The following TRDN variants were observed in gnomAD, a reference collection of about 807,000 sequenced individuals.
TRDN encodes triadin in skeletal muscle.
Under a neutral mutation model 149.7 loss-of-function variants are expected in TRDN, and 161 were observed. The ratio of observed to expected loss-of-function variants is 1.08; its 90% CI spans 0.95 to 1.23. The LOEUF (loss-of-function observed/expected upper bound fraction) is 1.23. Ranked by LOEUF, TRDN falls within the 50% of genes most tolerant of loss-of-function variation. The probability of loss-of-function intolerance (pLI) is 0.00; values close to 1 mark genes in which losing one functional copy is unlikely to be tolerated. For synonymous variants in TRDN, 294 were observed against 250.5 expected (o/e 1.17, Z -1.64); for missense variants, 896 against 823.5 (o/e 1.09, Z -1.08).
intron 12 of TRDN, among the ~76,000 whole-genome samples, chr6:123,401,186 G>T (rs1772955121): frequency 6.6e-6 from 1 of 152,106 alleles, no homozygotes; most frequent in African/African-American, 2.4e-5. Context: ...AAAATCTAAA[G>T]ATGTTATAAT....
chr6:123,387,100 G>A (rs1450331042), intron 14 of TRDN, among the ~76,000 whole-genome samples: 4 of 152,136 alleles, frequency 2.6e-5, no homozygotes, highest in Non-Finnish European at 5.9e-5. Context: ...AATAGGTTAT[G>A]ACATGAAAAG....
intron 23 of TRDN, among the ~76,000 whole-genome samples, chr6:123,327,181 C>T (rs1400307593): frequency 6.6e-6 from 1 of 151,888 alleles, no homozygotes; most frequent in East Asian, 1.9e-4. Context: ...ATGTATTTTC[C>T]TACATTTAGG....
chr6:123,498,825 T>G (rs1381098056), intron 8 of TRDN, among the ~76,000 whole-genome samples: 6 of 152,192 alleles, frequency 3.9e-5, no homozygotes, highest in Non-Finnish European at 8.8e-5. Flanking sequence ...CTTTCTGAAA[T>G]CGGCAGTATG....
chr6:123,325,546 T>A (rs9968848), intron 23 of TRDN, among the ~76,000 whole-genome samples: 119 of 152,174 alleles, frequency 7.8e-4, no homozygotes, highest in African/African-American at 2.6e-3. Context: ...TTTAGAGTAG[T>A]GAATAAAATA....
chr6:123,411,083 G>C (rs1773420691), intron 12 of TRDN, among the ~76,000 whole-genome samples: 1 of 143,130 alleles, frequency 7.0e-6, no homozygotes, highest in Non-Finnish European at 1.5e-5. Flanking sequence ...GTCTCGCTCT[G>C]TTGCCCAGGC....
chr6:123,548,441 A>G lies in TRDN; in HGVS notation c.391+13T>C, dbSNP rs1227724655. ...GCTCCTAGCAGTTAGATATATCTCT[A>G]TGTTCTTTGTACCTTTATCAGTATC... On this transcript the variant is annotated intron_variant, in intron 3 of 40. Transcript: ENST00000334268. The G allele has an allele frequency of 1.3e-6, 2 of 1,525,576 alleles. No individual in the cohort carries two copies. Among genetic ancestry groups the G allele is most frequent in the East Asian group, 2.4e-5 (1 of 42,526 alleles). The allele number at this position is 1,525,576 out of a possible 1,614,324, so 94.5% of individuals were successfully genotyped here.
At chr6:123,382,521 A>G (rs1003493216) in intron 14 of TRDN, among the ~76,000 whole-genome samples, 3 of 151,904 alleles carry the variant, frequency 2.0e-5, no homozygotes, top group Non-Finnish European at 4.4e-5. Flanking sequence ...TTCCATAAAG[A>G]TGCTTAGGAG....
chr6:123,516,149 T>G lies in TRDN; in HGVS notation c.542A>C (p.Glu181Ala), dbSNP rs952182371. The G allele has an allele frequency of 2.3e-5, 35 of 1,491,680 alleles. No individual in the cohort carries two copies. Among genetic ancestry groups the G allele is most frequent in the Non-Finnish European group, 3.0e-5 (33 of 1,108,974 alleles). The allele number at this position is 1,491,680 out of a possible 1,614,324, so 92.4% of individuals were successfully genotyped here. The change falls in exon 6 of 41, where the codon GAA becomes GCA. Residue 181 changes from glutamate (E) to alanine (A), a missense_variant. Physicochemically the swap from Glu to Ala is moderately radical, Grantham distance 107. Coordinates refer to ENST00000334268, the MANE Select transcript of TRDN (RefSeq NM_006073.4). ...TAAAAGTAACTTCATACCTTTCTTT[T>G]CAGGTTTTTCTTTTTCTCTTACTTT... Reference protein sequence around the residue: ...KEKVREKEKPEKKATHKEKIE... With the variant: ...KEKVREKEKPAKKATHKEKIE...
At chr6:123,634,730 G>C (rs934528809) in intron 1 of TRDN, among the ~76,000 whole-genome samples, 2 of 150,308 alleles carry the variant, frequency 1.3e-5, no homozygotes, top group African/African-American at 5.0e-5. Context: ...ATTTTCATTT[G>C]AGAAATATTA....
At chr6:123,298,929 A>G (rs1778305950) in intron 24 of TRDN, among the ~76,000 whole-genome samples, 1 of 152,088 alleles carries the variant, frequency 6.6e-6, no homozygotes, top group African/African-American at 2.4e-5. Flanking sequence ...ATTTATCATT[A>G]ATGTTGGTTA....
At position 123,293,977 on chromosome 6, in the gene TRDN, T is replaced by C. The variant is rs563930323; in HGVS notation, c.1511-14895A>G. On this transcript the variant is annotated intron_variant, in intron 24 of 40. Transcript: ENST00000334268. The stretch of plus-strand genomic sequence containing the variant: ...AGCAGCACCTTGGGGAGGCTTTGTC[T>C]ACCATAAGTCAATCCTAAGGAGCTT... 5.3e-5 allele frequency among the ~76,000 whole-genome samples: 8 copies of C among 152,234 alleles called. No homozygotes were observed. In the East Asian group the frequency reaches 1.4e-3, roughly 26 times the overall value.
intron 24 of TRDN, among the ~76,000 whole-genome samples, chr6:123,293,746 T>C (rs1395645586): frequency 1.3e-5 from 2 of 152,112 alleles, no homozygotes; most frequent in East Asian, 3.9e-4. Context: ...TCAAACACTG[T>C]AACCTTTAGG....
At chr6:123,427,783 T>G (rs962838019) in intron 12 of TRDN, among the ~76,000 whole-genome samples, 1 of 152,150 alleles carries the variant, frequency 6.6e-6, no homozygotes, top group Non-Finnish European at 1.5e-5. Flanking sequence ...TTAAAATATC[T>G]TTATTAAAAT....
At chr6:123,613,573 A>T (rs1238687737) in intron 1 of TRDN, among the ~76,000 whole-genome samples, 1 of 152,148 alleles carries the variant, frequency 6.6e-6, no homozygotes, top group Non-Finnish European at 1.5e-5. Context: ...CCTTGTAGAG[A>T]GAAATGTGTT....
chr6:123,404,495 C>T (rs559784748), intron 12 of TRDN, among the ~76,000 whole-genome samples: 20 of 152,180 alleles, frequency 1.3e-4, no homozygotes, highest in African/African-American at 4.1e-4. Context: ...GTCACCCAGG[C>T]GGGAGTGCAG....
intron 9 of TRDN, among the ~76,000 whole-genome samples, chr6:123,472,421 G>A (rs955344381): frequency 5.3e-5 from 8 of 152,224 alleles, no homozygotes; most frequent in Non-Finnish European, 7.3e-5. Context: ...CACCTGGCTC[G>A]GAGGGTCCTA....
chr6:123,564,380 T>C (rs983063583), intron 2 of TRDN, among the ~76,000 whole-genome samples: 1 of 152,202 alleles, frequency 6.6e-6, no homozygotes, highest in Non-Finnish European at 1.5e-5. Context: ...CCATGTTTCC[T>C]AAAAAGTAAT....
intron 10 of TRDN, among the ~76,000 whole-genome samples, chr6:123,452,205 C>T (rs1159894756): frequency 6.6e-6 from 1 of 152,092 alleles, no homozygotes; most frequent in Non-Finnish European, 1.5e-5. Context: ...GATGTCCACT[C>T]TCACCACTTC....
At chr6:123,557,834 C>A (rs1781761328) in intron 2 of TRDN, among the ~76,000 whole-genome samples, 1 of 151,072 alleles carries the variant, frequency 6.6e-6, no homozygotes, top group African/African-American at 2.4e-5. Flanking sequence ...CATGTCTCTA[C>A]CCTCTCTTTT....
Sources: gnomAD v4.1 joint callset for allele counts (sites outside exome capture counted in the v4.1 genomes callset) on GRCh38, gnomAD v4.1.1 for gene constraint, MANE v1.5 for transcripts, NCBI Gene and HGNC (gene_info 2026-07-23, HGNC 2026-07-21) for gene names.